Variants in MARCHF5 observed in about 807,000 individuals in gnomAD.
The protein encoded by MARCHF5 is membrane associated ring-CH-type finger 5, also known as E3 ubiquitin-protein ligase MARCHF5.
Under a neutral mutation model 36.5 loss-of-function variants are expected in MARCHF5, and 5 were observed. The ratio of observed to expected loss-of-function variants is 0.14; its 90% CI spans 0.07 to 0.29. The LOEUF is 0.29. MARCHF5 is among the 10% of genes least tolerant of loss of function. The pLI, the probability that MARCHF5 is intolerant of heterozygous loss-of-function variation, is 1.00. For missense variants in MARCHF5, 179 were observed against 336.3 expected (o/e 0.53, Z 3.66); for synonymous variants, 103 against 109.9 (o/e 0.94, Z 0.39).
intron 2 of MARCHF5, among the ~76,000 whole-genome samples, chr10:92,337,138 G>A (rs1391934868): frequency 4.7e-5 from 7 of 149,554 alleles, no homozygotes; most frequent in African/African-American, 1.7e-4. Context: ...AAAAAAAAGA[G>A]GAAAACTGAG....
intron 2 of MARCHF5, among the ~76,000 whole-genome samples, chr10:92,325,081 C>T (rs1843338818): frequency 6.6e-6 from 1 of 151,862 alleles, no homozygotes; most frequent in Non-Finnish European, 1.5e-5. Flanking sequence ...GCCTATAATC[C>T]CAGCACTTTG....
chr10:92,323,738 A>G (rs1843319506), intron 2 of MARCHF5, among the ~76,000 whole-genome samples: 1 of 152,160 alleles, frequency 6.6e-6, no homozygotes, highest in Admixed American at 6.5e-5. Flanking sequence ...AGCTTGGTAG[A>G]TCATTTCATT....
At chr10:92,310,315 C>G (rs901022944) in intron 1 of MARCHF5, among the ~76,000 whole-genome samples, 1 of 152,080 alleles carries the variant, frequency 6.6e-6, no homozygotes, top group African/African-American at 2.4e-5. Context: ...TGTATTTGCC[C>G]TGATGGAAAT....
intron 2 of MARCHF5, among the ~76,000 whole-genome samples, chr10:92,315,903 T>C (rs1316518980): frequency 6.6e-6 from 1 of 152,186 alleles, no homozygotes; most frequent in Non-Finnish European, 1.5e-5. Flanking sequence ...ATCCTTAGAA[T>C]GTAACAGCAA....
chr10:92,323,791 T>C (rs1843320443), intron 2 of MARCHF5, among the ~76,000 whole-genome samples: 1 of 152,232 alleles, frequency 6.6e-6, no homozygotes, highest in African/African-American at 2.4e-5. Context: ...TCCCACAGTT[T>C]ATCCATTCAT....
At chr10:92,341,908 G>A (rs11186929) in intron 3 of MARCHF5, among the ~76,000 whole-genome samples, 76 of 147,950 alleles carry the variant, frequency 5.1e-4, no homozygotes, top group Non-Finnish European at 9.8e-4. Context: ...GTCCACCTTA[G>A]CCTCCATAGT....
rs1843097709 is a variant in MARCHF5, at chr10:92,308,092, C to T, written c.36-3043C>T. Among the ~76,000 whole-genome samples, 3 of 151,978 alleles carry T rather than the reference C, an allele frequency of 2.0e-5. 1 individual carries two copies. Among genetic ancestry groups the T allele is most frequent in the South Asian group, 4.2e-4 (2 of 4,804 alleles). On this transcript the variant is annotated intron_variant, in intron 1 of 5. Transcript: ENST00000358935. Reference sequence around the variant, plus strand: ...AGTAGCTGGGACTACAGGCACCTGCCACCACGCCTGGCTAATTTTTTTGTA... The same window carrying T: ...AGTAGCTGGGACTACAGGCACCTGCTACCACGCCTGGCTAATTTTTTTGTA...
chr10:92,321,227 C>T (rs1440475293), intron 2 of MARCHF5, among the ~76,000 whole-genome samples: 1 of 151,978 alleles, frequency 6.6e-6, no homozygotes, highest in African/African-American at 2.4e-5. Flanking sequence ...TTGAGTAACA[C>T]GTGAGTGTAT....
intron 3 of MARCHF5, among the ~76,000 whole-genome samples, chr10:92,346,272 A>C (rs1843642989): frequency 6.6e-6 from 1 of 152,062 alleles, no homozygotes; most frequent in Non-Finnish European, 1.5e-5. Context: ...ATATATTTGC[A>C]CACTTGTTTG....
At chr10:92,301,326 G>A (rs552173756) in intron 1 of MARCHF5, among the ~76,000 whole-genome samples, 3 of 152,288 alleles carry the variant, frequency 2.0e-5, no homozygotes, top group South Asian at 2.1e-4. Context: ...AATGAAACAC[G>A]TATTTTTTGT....
chr10:92,336,616 C>T (rs555676483), intron 2 of MARCHF5, among the ~76,000 whole-genome samples: 21 of 151,914 alleles, frequency 1.4e-4, no homozygotes, highest in Admixed American at 3.3e-4. Context: ...AGTAGGGGTT[C>T]GTAGGGTGGG....
At chr10:92,304,758 A>C (rs944727864) in intron 1 of MARCHF5, among the ~76,000 whole-genome samples, 1 of 152,312 alleles carries the variant, frequency 6.6e-6, no homozygotes, top group East Asian at 1.9e-4. Context: ...GCAAAAATAA[A>C]CGTGATGGTT....
intron 2 of MARCHF5, among the ~76,000 whole-genome samples, chr10:92,332,659 T>TA (rs761750606): frequency 5.9e-5 from 9 of 151,632 alleles, no homozygotes; most frequent in Non-Finnish European, 1.3e-4. Context: ...TAGCTGGGAT[T>TA]ACAGGCGCAC....
chr10:92,330,993 A>G (rs1434672048), intron 2 of MARCHF5, among the ~76,000 whole-genome samples: 1 of 152,196 alleles, frequency 6.6e-6, no homozygotes, highest in Non-Finnish European at 1.5e-5. Flanking sequence ...CCTCAGGGTA[A>G]TGGTTACCTG....
chr10:92,308,567 A>G (rs143625210), intron 1 of MARCHF5: 3 of 152,260 alleles, frequency 2.0e-5, no homozygotes, highest in Non-Finnish European at 4.4e-5. Context: ...CATGCCTCTA[A>G]TACTGCTATT....
At chr10:92,342,836 A>G (rs1843595279) in intron 3 of MARCHF5, among the ~76,000 whole-genome samples, 1 of 152,244 alleles carries the variant, frequency 6.6e-6, no homozygotes, top group Non-Finnish European at 1.5e-5. Flanking sequence ...TAGAATTTAC[A>G]TGAACAAAAA....
chr10:92,318,469 C>T (rs553113371), intron 2 of MARCHF5, among the ~76,000 whole-genome samples: 9 of 151,636 alleles, frequency 5.9e-5, no homozygotes, highest in African/African-American at 2.2e-4. Flanking sequence ...AACTGTAATC[C>T]CAGCATTTTG....
intron 1 of MARCHF5, among the ~76,000 whole-genome samples, chr10:92,306,841 C>T (rs147168849): frequency 2.2e-4 from 33 of 152,200 alleles, no homozygotes; most frequent in African/African-American, 7.5e-4. Flanking sequence ...TGGTGAAACC[C>T]CATCTCTACT....
chr10:92,304,949 A>G (rs930812068), intron 1 of MARCHF5, among the ~76,000 whole-genome samples: 2 of 152,216 alleles, frequency 1.3e-5, no homozygotes, highest in Non-Finnish European at 2.9e-5. Flanking sequence ...ACCAGCTAGA[A>G]TATCCTGAAT....
Sources: allele counts gnomAD v4.1 joint callset (sites outside exome capture counted in the v4.1 genomes callset), GRCh38; gene constraint gnomAD v4.1.1; transcripts MANE v1.5; gene names NCBI Gene and HGNC (gene_info 2026-07-23, HGNC 2026-07-21).